The following NAALADL2 variants were observed in gnomAD, a reference collection of about 807,000 sequenced individuals.
The protein encoded by NAALADL2 is N-acetylated alpha-linked acidic dipeptidase like 2.
A neutral mutation model predicts 87.2 loss-of-function variants in NAALADL2; 76 were observed. The observed-to-expected ratio is 0.87, with a 90% CI of 0.72 to 1.05. The LOEUF is 1.05. Ranked by LOEUF, NAALADL2 falls within the 50% of genes least tolerant of loss-of-function variation. The probability of loss-of-function intolerance (pLI) is 0.00; values close to 1 mark genes in which losing one functional copy is unlikely to be tolerated. For synonymous variants in NAALADL2, 354 were observed against 331.0 expected (o/e 1.07, Z -0.75); for missense variants, 1,089 against 945.8 (o/e 1.15, Z -1.99).
chr3:174,985,482 C>A (rs1239219118), intron 1 of NAALADL2, among the ~76,000 whole-genome samples: 1 of 152,044 alleles, frequency 6.6e-6, no homozygotes, highest in Non-Finnish European at 1.5e-5. Context: ...GCACAATCTC[C>A]CTGGAATCTT....
At chr3:174,681,064 G>T (rs892536392) in intron 2 of NAALADL2, among the ~76,000 whole-genome samples, 4 of 152,068 alleles carry the variant, frequency 2.6e-5, no homozygotes, top group Non-Finnish European at 5.9e-5. Flanking sequence ...ACTTTGCATT[G>T]GGAACCCAGT....
intron 1 of NAALADL2, among the ~76,000 whole-genome samples, chr3:175,056,630 G>C (rs1163515983): frequency 1.3e-5 from 2 of 152,198 alleles, no homozygotes; most frequent in Non-Finnish European, 2.9e-5. Context: ...TCAGAGCTTA[G>C]AGCTTCCAAC....
At chr3:174,623,466 G>T (rs1721242988) in intron 2 of NAALADL2, among the ~76,000 whole-genome samples, 1 of 151,900 alleles carries the variant, frequency 6.6e-6, no homozygotes, top group East Asian at 1.9e-4. Context: ...CTAAATGATA[G>T]ACTAGTATAT....
chr3:175,231,925 A>G lies in NAALADL2; in HGVS notation c.546-2006A>G, dbSNP rs143236480. Among the ~76,000 whole-genome samples, 313 of 152,218 alleles carry G rather than the reference A, an allele frequency of 2.1e-3. 1 individual carries two copies. The highest frequency in any genetic ancestry group is 7.2e-3 in the African/African-American group (300 of 41,538). On this transcript the variant is annotated intron_variant, in intron 2 of 13. Coordinates refer to ENST00000454872, the MANE Select transcript of NAALADL2 (RefSeq NM_207015.3). ...CCCAAAAATACAGAGAGAATGCAAT[A>G]GCAATGGAGAAAGGGGGTAGGAAAA...
intron 1 of NAALADL2, among the ~76,000 whole-genome samples, chr3:174,999,687 G>A (rs1747973801): frequency 6.6e-6 from 1 of 152,200 alleles, no homozygotes; most frequent in African/African-American, 2.4e-5. Flanking sequence ...ATAAGTAGTT[G>A]CAGTAGCATT....
At chr3:174,847,579 TGATAGTGA>T (rs1724770108) in intron 3 of NAALADL2, among the ~76,000 whole-genome samples, 1 of 152,162 alleles carries the variant, frequency 6.6e-6, no homozygotes, top group Admixed American at 6.5e-5. Context: ...TTTGTTGGGG[TGATAGTGA>T]GATAGTGAGA....
chr3:174,463,599 C>CTT (rs57673935), intron 1 of NAALADL2, among the ~76,000 whole-genome samples: 6,331 of 121,468 alleles, frequency 0.052, 330 homozygotes, highest in South Asian at 0.076. Context: ...TAAAGATTAT[C>CTT]TTTTTTTTTT....
At chr3:174,709,736 G>T (rs1730441611) in intron 2 of NAALADL2, among the ~76,000 whole-genome samples, 1 of 152,100 alleles carries the variant, frequency 6.6e-6, no homozygotes, top group Non-Finnish European at 1.5e-5. Context: ...GAAACTACTA[G>T]ACACTAGCAA....
chr3:175,757,329 T>A (rs1455885365), intron 13 of NAALADL2, among the ~76,000 whole-genome samples: 3 of 152,072 alleles, frequency 2.0e-5, no homozygotes. Flanking sequence ...CTGCAGACAT[T>A]AAAATATAGG....
chr3:174,757,271 T>G (rs1156311527), intron 3 of NAALADL2, among the ~76,000 whole-genome samples: 2 of 152,036 alleles, frequency 1.3e-5, no homozygotes, highest in African/African-American at 2.4e-5. Context: ...AGATTTTGGG[T>G]AGGTGGTAGC....
At chr3:175,262,699 A>G (rs927626849) in intron 4 of NAALADL2, among the ~76,000 whole-genome samples, 3 of 151,860 alleles carry the variant, frequency 2.0e-5, no homozygotes, top group African/African-American at 4.8e-5. Flanking sequence ...CACCTTTCCT[A>G]TTGAAGCTTT....
intron 10 of NAALADL2, among the ~76,000 whole-genome samples, chr3:175,580,470 A>T (rs1343020212): frequency 6.6e-6 from 1 of 152,134 alleles, no homozygotes; most frequent in African/African-American, 2.4e-5. Flanking sequence ...TTCTATTTGG[A>T]ACTGAGTCAT....
intron 2 of NAALADL2, among the ~76,000 whole-genome samples, chr3:174,684,756 A>AT (rs1412009573): frequency 2.6e-5 from 4 of 152,094 alleles, no homozygotes; most frequent in Non-Finnish European, 5.9e-5. Flanking sequence ...GAGTTTTCTG[A>AT]TCAAAATGAT....
chr3:174,550,486 T>G (rs1033982378), intron 1 of NAALADL2: 1 of 152,074 alleles, frequency 6.6e-6, no homozygotes, highest in African/African-American at 2.4e-5. Context: ...GTGATTAAAT[T>G]AAAGCCACAG....
chr3:175,598,016 T>C (rs867541444), intron 10 of NAALADL2, among the ~76,000 whole-genome samples: 3 of 152,072 alleles, frequency 2.0e-5, no homozygotes, highest in African/African-American at 7.2e-5. Context: ...TATATACATA[T>C]AGATGTATGT....
At chr3:175,019,332 ATATT>A (rs1172737517) in intron 1 of NAALADL2, among the ~76,000 whole-genome samples, 2 of 152,042 alleles carry the variant, frequency 1.3e-5, no homozygotes, top group Non-Finnish European at 2.9e-5. Flanking sequence ...TAAGAAATTA[ATATT>A]TAAGTAAATA....
rs1755380585 is a variant in NAALADL2 at position 175,289,427 on chromosome 3, G to C, written c.939+32897G>C. On this transcript the variant is annotated intron_variant, in intron 4 of 13. Coordinates refer to ENST00000454872, the MANE Select transcript of NAALADL2 (RefSeq NM_207015.3). ...CACTCATATGCTTTATTTTCGAAAG[G>C]TGCCAAAAAGAGAGAACCTTGACCC... Among the ~76,000 whole-genome samples, 4 of 151,994 alleles carry C rather than the reference G, an allele frequency of 2.6e-5. No individual in the cohort carries two copies. The South Asian group carries it at 8.3e-4, about 32-fold the overall frequency.
At chr3:175,197,011 C>A (rs1183557389) in intron 2 of NAALADL2, among the ~76,000 whole-genome samples, 1 of 151,736 alleles carries the variant, frequency 6.6e-6, no homozygotes, top group African/African-American at 2.4e-5. Flanking sequence ...AGGTGAGAAA[C>A]ATAAGGGGTC....
chr3:174,875,773 G>GATATTA (rs755456501), intron 1 of NAALADL2, among the ~76,000 whole-genome samples: 476 of 152,122 alleles, frequency 3.1e-3, no homozygotes, highest in Middle Eastern at 0.014. Context: ...GCATTTAAAA[G>GATATTA]CAGTCTTAAA....
Sources: allele counts gnomAD v4.1 joint callset (sites outside exome capture counted in the v4.1 genomes callset), GRCh38; gene constraint gnomAD v4.1.1; transcripts MANE v1.5; gene names NCBI Gene and HGNC (gene_info 2026-07-23, HGNC 2026-07-21).